The following ADGRL2 variants were observed in gnomAD, a reference collection of about 807,000 sequenced individuals.
ADGRL2 encodes the protein calcium-independent alpha-latrotoxin receptor 2.
In ADGRL2, 44 loss-of-function variants were observed where a neutral mutation model predicts 157.4. The ratio of observed to expected loss-of-function variants is 0.28; its 90% CI spans 0.22 to 0.36. ADGRL2 has a LOEUF of 0.36. Among genes scored for constraint, ADGRL2 ranks in the 10% least tolerant of loss-of-function variants. The pLI, the probability that ADGRL2 is intolerant of heterozygous loss-of-function variation, is 1.00. For synonymous variants in ADGRL2, 585 were observed against 624.7 expected (o/e 0.94, Z 0.95); for missense variants, 1,510 against 1,768.9 (o/e 0.85, Z 2.63).
intron 3 of ADGRL2, among the ~76,000 whole-genome samples, chr1:81,694,607 T>C (rs953950449): frequency 3.9e-5 from 6 of 152,148 alleles, no homozygotes; most frequent in African/African-American, 1.4e-4. Context: ...AAACCTAATA[T>C]GCCTTGCATC....
chr1:81,676,832 G>A (rs1219726766), intron 3 of ADGRL2, among the ~76,000 whole-genome samples: 3 of 148,274 alleles, frequency 2.0e-5, no homozygotes, highest in South Asian at 2.2e-4. Context: ...GACTACAGCC[G>A]CCCGCCACCA....
At chr1:81,368,693 A>G (rs2076109054) in intron 1 of ADGRL2, among the ~76,000 whole-genome samples, 2 of 152,090 alleles carry the variant, frequency 1.3e-5, no homozygotes, top group East Asian at 1.9e-4. Context: ...TGTTCTTCAC[A>G]CTTTACACTG....
At chr1:81,910,447 T>C (rs1376707491) in intron 3 of ADGRL2, among the ~76,000 whole-genome samples, 1 of 151,718 alleles carries the variant, frequency 6.6e-6, no homozygotes, top group Non-Finnish European at 1.5e-5. Flanking sequence ...TAATACATCA[T>C]TGGTTAATTT....
chr1:81,649,387 T>G (rs1483112812), intron 3 of ADGRL2, among the ~76,000 whole-genome samples: 1 of 152,190 alleles, frequency 6.6e-6, no homozygotes, highest in East Asian at 1.9e-4. Flanking sequence ...CCCCAAGGAC[T>G]TACATTTTAA....
chr1:81,749,023 G>A (rs1571063400), intron 1 of ADGRL2, among the ~76,000 whole-genome samples: 1 of 151,920 alleles, frequency 6.6e-6, no homozygotes, highest in East Asian at 1.9e-4. Context: ...AAGTAGAACA[G>A]CTACAATGAA....
At chr1:81,914,816 T>C (rs1382690870) in intron 3 of ADGRL2, among the ~76,000 whole-genome samples, 1 of 152,136 alleles carries the variant, frequency 6.6e-6, no homozygotes, top group African/African-American at 2.4e-5. Flanking sequence ...AGTACAGTAA[T>C]AAATAACCAT....
chr1:81,522,239 A>G (rs1304758658), intron 2 of ADGRL2, among the ~76,000 whole-genome samples: 1 of 152,310 alleles, frequency 6.6e-6, no homozygotes, highest in East Asian at 1.9e-4. Flanking sequence ...TGCTGGGATT[A>G]CAGGTGTGAG....
chr1:81,584,276 G>A (rs973376757), intron 3 of ADGRL2, among the ~76,000 whole-genome samples: 2 of 152,068 alleles, frequency 1.3e-5, no homozygotes, highest in African/African-American at 4.8e-5. Context: ...CCCTCACTGG[G>A]CAGGGGGAGT....
At chr1:81,920,679 C>T (rs1021643420) in intron 3 of ADGRL2, among the ~76,000 whole-genome samples, 4 of 152,094 alleles carry the variant, frequency 2.6e-5, no homozygotes, top group Non-Finnish European at 4.4e-5. Flanking sequence ...CACTGGAGTT[C>T]GCCTTCTCAC....
At chr1:81,911,289 C>T (rs965235525) in intron 3 of ADGRL2, among the ~76,000 whole-genome samples, 1 of 151,940 alleles carries the variant, frequency 6.6e-6, no homozygotes, top group African/African-American at 2.4e-5. Flanking sequence ...GAACAGTCAC[C>T]ATTTAGTACT....
At chr1:81,427,697 C>A in intron 1 of ADGRL2, 1 of 436,230 alleles carries the variant, frequency 2.3e-6, no homozygotes, top group Non-Finnish European at 4.2e-6. Flanking sequence ...GACAGTCATC[C>A]CAAATGCATT....
chr1:81,564,752 A>G (rs1375759159), intron 2 of ADGRL2, among the ~76,000 whole-genome samples: 2 of 152,204 alleles, frequency 1.3e-5, no homozygotes, highest in Non-Finnish European at 2.9e-5. Flanking sequence ...GAGGGGATTC[A>G]CTGGGAGCCA....
chr1:81,561,198 A>G (rs1208560402), intron 2 of ADGRL2, among the ~76,000 whole-genome samples: 2 of 151,756 alleles, frequency 1.3e-5, no homozygotes, highest in African/African-American at 4.8e-5. Context: ...ACATATATTC[A>G]TTATGCTTAT....
chr1:81,848,561 C>T (rs868833992), intron 2 of ADGRL2, among the ~76,000 whole-genome samples: 25 of 152,000 alleles, frequency 1.6e-4, no homozygotes, highest in Middle Eastern at 6.8e-3. Context: ...TATTGCTTAA[C>T]ATTGCATTAC....
chr1:81,358,584 A>G (rs563628107), intron 1 of ADGRL2, among the ~76,000 whole-genome samples: 38 of 152,300 alleles, frequency 2.5e-4, no homozygotes, highest in African/African-American at 8.2e-4. Flanking sequence ...TTTCTAGTGT[A>G]CATTTCATTT....
At chr1:81,473,632 A>G (rs563484951) in intron 2 of ADGRL2, among the ~76,000 whole-genome samples, 51 of 152,344 alleles carry the variant, frequency 3.3e-4, no homozygotes, top group African/African-American at 1.2e-3. Flanking sequence ...ATAAATAGCA[A>G]AATGGTGCTT....
chr1:81,499,672 T>C (rs1287974612), intron 2 of ADGRL2, among the ~76,000 whole-genome samples: 1 of 152,182 alleles, frequency 6.6e-6, no homozygotes, highest in African/African-American at 2.4e-5. Flanking sequence ...TGCAAAAAGT[T>C]AAAAGAGTTA....
At chr1:81,350,653 C>G (rs1218346928) in intron 1 of ADGRL2, among the ~76,000 whole-genome samples, 1 of 152,148 alleles carries the variant, frequency 6.6e-6, no homozygotes, top group Non-Finnish European at 1.5e-5. Flanking sequence ...AACGTAATGT[C>G]TTTCAGTAGC....
At chr1:81,496,532 C>G (rs915680346) in intron 2 of ADGRL2, among the ~76,000 whole-genome samples, 1 of 152,102 alleles carries the variant, frequency 6.6e-6, no homozygotes, top group African/African-American at 2.4e-5. Flanking sequence ...CTGCAGAGCT[C>G]TCCTAACACA....
Sources: allele counts gnomAD v4.1 joint callset (sites outside exome capture counted in the v4.1 genomes callset), GRCh38; gene constraint gnomAD v4.1.1; transcripts MANE v1.5; gene names NCBI Gene and HGNC (gene_info 2026-07-23, HGNC 2026-07-21).